The following MROH9 variants were observed in gnomAD, a reference collection of about 807,000 sequenced individuals.
MROH9 encodes maestro heat like repeat family member 9, also known as maestro heat-like repeat-containing protein family member 9.
A neutral mutation model predicts 98.2 loss-of-function variants in MROH9; 92 were observed. That is an observed-to-expected ratio of 0.94 (90% CI 0.79 to 1.11). MROH9 has a LOEUF of 1.11. Among genes scored for constraint, MROH9 ranks in the 50% most tolerant of loss-of-function variants. The pLI is 0.00. For missense variants in MROH9, 1,057 were observed against 1,014.8 expected (o/e 1.04, Z -0.57); for synonymous variants, 397 against 368.9 (o/e 1.08, Z -0.87).
Position 170,961,991 on chromosome 1 carries a change from A to T in MROH9, c.375+15A>T. ...AGATCTTAAAGGTAAAGAGGAAATAAGTAGTTTAATTTTCTTGTCATAAGT... is the reference window on the plus strand; with the variant it reads ...AGATCTTAAAGGTAAAGAGGAAATATGTAGTTTAATTTTCTTGTCATAAGT... On this transcript the variant is annotated intron_variant, in intron 6 of 21. Coordinates refer to ENST00000367759, the MANE Select transcript of MROH9 (RefSeq NM_001163629.2). 1 of 1,417,784 alleles carries T rather than the reference A, an allele frequency of 7.1e-7. No homozygotes were observed. Among genetic ancestry groups the T allele is most frequent in the African/African-American group, 1.5e-5 (1 of 67,494 alleles). The allele number at this position is 1,417,784 out of a possible 1,614,324, so 87.8% of individuals were successfully genotyped here.
chr1:171,003,455 C>T (rs1447339492), intron 15 of MROH9, among the ~76,000 whole-genome samples: 1 of 152,166 alleles, frequency 6.6e-6, no homozygotes, highest in African/African-American at 2.4e-5. Context: ...TAGTACTCTT[C>T]CTCTTTTCCT....
intron 7 of MROH9, among the ~76,000 whole-genome samples, 178 bp from the exon 8 acceptor site, chr1:170,971,570 A>C (rs560905784): frequency 9.9e-5 from 15 of 152,182 alleles, no homozygotes; most frequent in South Asian, 2.1e-4. Flanking sequence ...TATTGTCTTC[A>C]TTTCACAGAT....
At chr1:171,000,814 G>A (rs1651758466) in intron 15 of MROH9, among the ~76,000 whole-genome samples, 2 of 151,984 alleles carry the variant, frequency 1.3e-5, no homozygotes, top group South Asian at 4.1e-4. Context: ...AAAAGGATTG[G>A]TACCAATTCT....
intron 7 of MROH9, among the ~76,000 whole-genome samples, chr1:170,969,862 G>A (rs1173082295): frequency 1.3e-5 from 2 of 152,132 alleles, no homozygotes; most frequent in Non-Finnish European, 2.9e-5. Context: ...CATACCGAAA[G>A]CTCTCAAAGT....
chr1:171,001,577 T>A (rs1165869476), intron 15 of MROH9, among the ~76,000 whole-genome samples: 1 of 152,144 alleles, frequency 6.6e-6, no homozygotes, highest in East Asian at 1.9e-4. Context: ...TGGAGTTATT[T>A]CCAGTTTTAT....
At chr1:171,039,422 A>G (rs1018074526) in intron 20 of MROH9, among the ~76,000 whole-genome samples, 2 of 152,192 alleles carry the variant, frequency 1.3e-5, no homozygotes, top group African/African-American at 2.4e-5. Flanking sequence ...CTCATCACAT[A>G]GTTTCCCATA....
chr1:171,061,332 A>AT (rs1325127686), intron 20 of MROH9, among the ~76,000 whole-genome samples: 3 of 152,158 alleles, frequency 2.0e-5, no homozygotes, highest in Non-Finnish European at 4.4e-5. Flanking sequence ...GAAGTGGAAC[A>AT]TAAGCATACC....
At chr1:171,006,174 C>G (rs1254841974) in intron 15 of MROH9, among the ~76,000 whole-genome samples, 1 of 152,056 alleles carries the variant, frequency 6.6e-6, no homozygotes, top group East Asian at 1.9e-4. Context: ...CTACTTAATT[C>G]TCAAGGACAG....
rs564495423 is a variant in MROH9 at position 170,986,648 on chromosome 1, G to A, written c.817G>A (p.Ala273Thr). 1.5e-5 allele frequency: 25 copies of A among 1,613,776 alleles called. 1 individual carries two copies. In the Admixed American group the frequency reaches 2.2e-4, roughly 14 times the overall value. The stretch of plus-strand genomic sequence containing the variant: ...ACTCTCTTCACCTGATGATAAAATC[G>A]CATCTGATGCAGCATCCATACTGAT... ...MKLSSPDDKI[A>T]SDAASILIFT... Residue 273 changes from alanine (A) to threonine (T), a missense_variant, in exon 10 of 22, where the codon GCA becomes ACA. Ala to Thr is a moderately conservative substitution (Grantham distance 58). Transcript: ENST00000367759.
chr1:171,003,177 G>A (rs1651840026), intron 15 of MROH9, among the ~76,000 whole-genome samples: 1 of 151,818 alleles, frequency 6.6e-6, no homozygotes, highest in Non-Finnish European at 1.5e-5. Flanking sequence ...CTTGCATTGG[G>A]CTTTGCCTTT....
intron 20 of MROH9, among the ~76,000 whole-genome samples, chr1:171,053,392 G>A (rs1245486115): frequency 6.6e-6 from 1 of 152,170 alleles, no homozygotes; most frequent in East Asian, 1.9e-4. Flanking sequence ...ACAGGAAATA[G>A]ACCAGCCCTC....
chr1:170,967,136 G>A (rs1650263310), intron 7 of MROH9, among the ~76,000 whole-genome samples: 1 of 152,146 alleles, frequency 6.6e-6, no homozygotes, highest in South Asian at 2.1e-4. Flanking sequence ...ATGTGTAGCA[G>A]AAGGTTCTCA....
At chr1:171,002,844 T>C (rs1487433667) in intron 15 of MROH9, among the ~76,000 whole-genome samples, 2 of 152,206 alleles carry the variant, frequency 1.3e-5, no homozygotes, top group East Asian at 1.9e-4. Flanking sequence ...CCCCTGAATG[T>C]ATTTTCTGAG....
chr1:171,040,046 GAAAAC>G (rs1653246253), intron 20 of MROH9, among the ~76,000 whole-genome samples: 1 of 151,978 alleles, frequency 6.6e-6, no homozygotes, highest in Non-Finnish European at 1.5e-5. Context: ...GAAAAAAGGG[GAAAAC>G]AAGAGACAAC....
chr1:170,937,730 A>G (rs1648954955), intron 1 of MROH9, among the ~76,000 whole-genome samples: 2 of 151,718 alleles, frequency 1.3e-5, no homozygotes, highest in African/African-American at 4.8e-5. Flanking sequence ...TCACCGTTTT[A>G]GCCGGGATGG....
At chr1:170,979,281 A>G (rs374696263) in intron 8 of MROH9, among the ~76,000 whole-genome samples, 2 of 152,320 alleles carry the variant, frequency 1.3e-5, no homozygotes, top group Admixed American at 6.5e-5. Context: ...GATTTCCCTG[A>G]AACATCAGAA....
At chr1:171,044,262 C>T (rs993706424) in intron 20 of MROH9, among the ~76,000 whole-genome samples, 2 of 152,156 alleles carry the variant, frequency 1.3e-5, no homozygotes, top group African/African-American at 4.8e-5. Flanking sequence ...CAATGTATTA[C>T]AGTGATTGAT....
intron 8 of MROH9, 113 bp from the exon 9 acceptor site, chr1:170,983,309 G>A (rs995974129): frequency 7.3e-5 from 49 of 670,608 alleles, no homozygotes; most frequent in South Asian, 1.9e-4. Flanking sequence ...TTAAATATTC[G>A]GAAAACTTCA....
rs528999389 is a variant in MROH9, at chr1:170,956,729, C to A, written c.73-1732C>A. The stretch of plus-strand genomic sequence containing the variant: ...TTGTATCTGGAAACTTTGCTGAATT[C>A]TTTTATCAGCTCTAGGAGCTTTCTG... On this transcript the variant is annotated intron_variant, in intron 3 of 21. Transcript: ENST00000367759. Among the ~76,000 whole-genome samples, 122 of 151,236 alleles carry A rather than the reference C, an allele frequency of 8.1e-4. 1 individual carries two copies. Among genetic ancestry groups the A allele is most frequent in the Middle Eastern group, 3.4e-3 (1 of 290 alleles).
Sources: gnomAD v4.1 joint callset for allele counts (sites outside exome capture counted in the v4.1 genomes callset) on GRCh38, gnomAD v4.1.1 for gene constraint, MANE v1.5 for transcripts, NCBI Gene and HGNC (gene_info 2026-07-23, HGNC 2026-07-21) for gene names.